The following EHMT1 variants were observed in gnomAD, a reference collection of about 807,000 sequenced individuals.
EHMT1 encodes the protein euchromatic histone lysine methyltransferase 1.
A neutral mutation model predicts 147.2 loss-of-function variants in EHMT1; 15 were observed. The observed-to-expected ratio is 0.10, with a 90% CI of 0.07 to 0.16. The LOEUF (loss-of-function observed/expected upper bound fraction) is 0.16, where lower values mean the gene tolerates loss of function less well. Among genes scored for constraint, EHMT1 ranks in the 10% least tolerant of loss-of-function variants. The probability of loss-of-function intolerance (pLI) is 1.00; values close to 1 mark genes in which losing one functional copy is unlikely to be tolerated. For synonymous variants in EHMT1, 795 were observed against 709.6 expected (o/e 1.12, Z -1.91); for missense variants, 1,587 against 1,772.4 (o/e 0.90, Z 1.88).
chr9:137,683,141 T>G (rs1342824917), intron 1 of EHMT1, among the ~76,000 whole-genome samples: 1 of 152,252 alleles, frequency 6.6e-6, no homozygotes, highest in African/African-American at 2.4e-5. Flanking sequence ...ACAGGCATTC[T>G]CATTTAATAG....
intron 1 of EHMT1, among the ~76,000 whole-genome samples, chr9:137,707,550 C>G: frequency 6.6e-6 from 1 of 152,238 alleles, no homozygotes; most frequent in East Asian, 1.9e-4. Flanking sequence ...GGCCCTAACA[C>G]TGGTATGAGG....
chr9:137,697,263 A>T (rs932758839), intron 1 of EHMT1: 1 of 219,620 alleles, frequency 4.6e-6, no homozygotes, highest in Non-Finnish European at 9.8e-6. Flanking sequence ...CCTGGATGAC[A>T]GAGTTTGTCT....
chr9:137,726,042 G>T (rs1174748445), intron 3 of EHMT1, among the ~76,000 whole-genome samples: 1 of 151,982 alleles, frequency 6.6e-6, no homozygotes, highest in Non-Finnish European at 1.5e-5. Flanking sequence ...TATGACCTTG[G>T]TTACTTCTCC....
At chr9:137,648,154 A>G (rs1006659699) in intron 1 of EHMT1, among the ~76,000 whole-genome samples, 19 of 152,266 alleles carry the variant, frequency 1.2e-4, no homozygotes, top group African/African-American at 4.6e-4. Context: ...TTGAAACTCA[A>G]ATTATTCCAA....
intron 1 of EHMT1, among the ~76,000 whole-genome samples, chr9:137,656,402 A>G (rs886256677): frequency 2.6e-5 from 4 of 152,128 alleles, no homozygotes; most frequent in African/African-American, 9.7e-5. Context: ...AAAAAACAAA[A>G]ATGTATAGCT....
chr9:137,743,299 AC>A, intron 4 of EHMT1, 71 bp from the exon 5 acceptor site: 2 of 1,514,840 alleles, frequency 1.3e-6, no homozygotes, highest in South Asian at 2.5e-5. Flanking sequence ...ACTGTCTCTT[AC>A]CTTTGAAAAA....
At chr9:137,796,911 C>G (rs1318631966) in intron 16 of EHMT1, among the ~76,000 whole-genome samples, 1 of 152,056 alleles carries the variant, frequency 6.6e-6, no homozygotes, top group East Asian at 1.9e-4. Flanking sequence ...AGGCAGGGTC[C>G]TTACTGGTGG....
chr9:137,759,477 T>G (rs1949640501), intron 9 of EHMT1, among the ~76,000 whole-genome samples: 1 of 152,192 alleles, frequency 6.6e-6, no homozygotes, highest in Admixed American at 6.5e-5. Flanking sequence ...CCTGTCAGTG[T>G]GCGCCTGCTG....
Position 137,775,312 on chromosome 9 carries a change from T to C in EHMT1, c.1791+60T>C. The stretch of plus-strand genomic sequence containing the variant: ...GCAGGCTTTGCTGTCTGCTCACTGG[T>C]GCTGGTTCCTGTCCTGTGTCCACCT... On this transcript the variant is annotated intron_variant, in intron 11 of 26. Transcript: ENST00000460843. The surrounding 1 kb of genome is among the most constrained non-coding windows in gnomAD (Gnocchi z 6.1). The C allele has an allele frequency of 6.3e-7, 1 of 1,590,610 alleles. No individual in the cohort carries two copies. The highest frequency in any genetic ancestry group is 1.1e-5 in the South Asian group (1 of 89,806).
chr9:137,788,059 G>A, intron 15 of EHMT1: 1 of 1,368,078 alleles, frequency 7.3e-7, no homozygotes, highest in Non-Finnish European at 9.9e-7. Flanking sequence ...GCTCCCGCTG[G>A]CAAAGTCTCC....
At chr9:137,778,177 T>C in intron 13 of EHMT1, 122 bp downstream of exon 13, 2 of 1,270,874 alleles carry the variant, frequency 1.6e-6, no homozygotes, top group Admixed American at 3.9e-5. Context: ...TTCGTTAGAA[T>C]AATTCGTATA....
At position 137,675,668 on chromosome 9, in the gene EHMT1, C is replaced by G. The variant is rs1333450222; in HGVS notation, c.22-35299C>G. ...TTTTTTTTTGAGACAGAGTCTCGCT[C>G]TGTCACCAGGCTGGCTCACTGCAAC... On this transcript the variant is annotated intron_variant, in intron 1 of 26. Transcript: ENST00000460843. Among the ~76,000 whole-genome samples, 5 of 133,958 alleles carry G rather than the reference C, an allele frequency of 3.7e-5. No homozygotes were observed. In the East Asian group the frequency reaches 1.1e-3, roughly 30 times the overall value. 87.9% of individuals were successfully genotyped at this position (133,958 alleles called of 152,430 possible).
intron 1 of EHMT1, among the ~76,000 whole-genome samples, chr9:137,710,634 G>T (rs1944620746): frequency 6.6e-6 from 1 of 152,182 alleles, no homozygotes; most frequent in Non-Finnish European, 1.5e-5. Context: ...ATTGTCAGCA[G>T]TAGAATGCAT....
rs141889344 is a variant in EHMT1, at chr9:137,729,881, G to A, written c.823+1352G>A. ...CGGTGAGGAAGTATACCGCGACGCC[G>A]CTCTCTAATCTCAGTGTCCTGTTCC... On this transcript the variant is annotated intron_variant, in intron 4 of 26. Coordinates refer to ENST00000460843, the MANE Select transcript of EHMT1 (RefSeq NM_024757.5). 5.0e-3 allele frequency among the ~76,000 whole-genome samples: 764 copies of A among 152,258 alleles called. 6 individuals are homozygous for A. Among genetic ancestry groups the A allele is most frequent in the East Asian group, 0.016 (82 of 5,174 alleles).
Position 137,799,844 on chromosome 9 carries a change from C to T in EHMT1, c.2607+930C>T, listed in dbSNP as rs376799092. Among the ~76,000 whole-genome samples, 503 of 152,324 alleles carry T rather than the reference C, an allele frequency of 3.3e-3. 5 individuals carry two copies. The highest frequency in any genetic ancestry group is 0.01 in the African/African-American group (417 of 41,578). The stretch of plus-strand genomic sequence containing the variant: ...GCCTTTGCCCTGAGCGCCCAGAGGT[C>T]GGAGCCCCGCCTGGTCCCTGCATCT... On this transcript the variant is annotated intron_variant, in intron 17 of 26. Transcript: ENST00000460843.
chr9:137,784,181 A>G, intron 15 of EHMT1: 1 of 1,551,230 alleles, frequency 6.4e-7, no homozygotes, highest in Non-Finnish European at 8.7e-7. Flanking sequence ...CTGTTCCCGA[A>G]CACAGCCAGG....
chr9:137,751,019 C>T (rs1360144078), intron 6 of EHMT1, among the ~76,000 whole-genome samples: 1 of 152,152 alleles, frequency 6.6e-6, no homozygotes, highest in Non-Finnish European at 1.5e-5. Context: ...GCTTGCTGCA[C>T]AACTCAGAAT....
Position 137,813,908 on chromosome 9 carries a change from C to T in EHMT1, c.3180+378C>T, listed in dbSNP as rs73578864. Among the ~76,000 whole-genome samples, 14,761 of 152,142 alleles carry T rather than the reference C, an allele frequency of 0.097. 2,350 individuals are homozygous for T. The highest frequency in any genetic ancestry group is 0.34 in the African/African-American group (13,916 of 41,454). ...CTGGATCCCTGCACCTCCCAGCCCC[C>T]GGAGAGATGGGTCCAGCACATGCCA... On this transcript the variant is annotated intron_variant, in intron 21 of 26. Coordinates refer to ENST00000460843, the MANE Select transcript of EHMT1 (RefSeq NM_024757.5). This position sits in a 1 kb window ranked among gnomAD's most constrained non-coding sequence, Gnocchi z 4.9.
intron 4 of EHMT1, among the ~76,000 whole-genome samples, chr9:137,742,258 A>G (rs1051807261): frequency 1.2e-4 from 18 of 146,168 alleles, no homozygotes; most frequent in Non-Finnish European, 1.8e-4. Flanking sequence ...CGTCCCTCCA[A>G]CTGTTGCTTC....
Sources: gnomAD v4.1 joint callset for allele counts (sites outside exome capture counted in the v4.1 genomes callset) on GRCh38, gnomAD v4.1.1 for gene constraint, Gnocchi (gnomAD v3.1) non-coding constraint, MANE v1.5 for transcripts, NCBI Gene and HGNC (gene_info 2026-07-23, HGNC 2026-07-21) for gene names.